The following NXPH1 variants were observed in gnomAD, a reference collection of about 807,000 sequenced individuals.
NXPH1 encodes neurexophilin 1.
Under a neutral mutation model 23.7 loss-of-function variants are expected in NXPH1, and 5 were observed. That is an observed-to-expected ratio of 0.21 (90% CI 0.11 to 0.44). The LOEUF (loss-of-function observed/expected upper bound fraction) is 0.44, where lower values mean the gene tolerates loss of function less well. NXPH1 is among the 20% of genes least tolerant of loss of function. NXPH1 has a pLI of 0.99. For missense variants in NXPH1, 324 were observed against 321.6 expected (o/e 1.01, Z -0.06); for synonymous variants, 144 against 122.2 (o/e 1.18, Z -1.18).
chr7:8,446,572 G>T (rs780721492), intron 2 of NXPH1, among the ~76,000 whole-genome samples: 1 of 152,176 alleles, frequency 6.6e-6, no homozygotes. Flanking sequence ...TAATAAAAAT[G>T]AGGCTTTTTG....
At chr7:8,506,205 G>C (rs1035908838) in intron 2 of NXPH1, among the ~76,000 whole-genome samples, 5 of 152,092 alleles carry the variant, frequency 3.3e-5, no homozygotes, top group Non-Finnish European at 7.4e-5. Flanking sequence ...TTGTGCAACT[G>C]TTGTTGCAAT....
At chr7:8,726,729 C>G (rs1422566935) in intron 2 of NXPH1, among the ~76,000 whole-genome samples, 3 of 149,038 alleles carry the variant, frequency 2.0e-5, no homozygotes, top group African/African-American at 7.4e-5. Flanking sequence ...TTAATCCAGT[C>G]TATCGTTGTT....
At chr7:8,604,261 C>T (rs973776421) in intron 2 of NXPH1, among the ~76,000 whole-genome samples, 8 of 152,080 alleles carry the variant, frequency 5.3e-5, no homozygotes, top group African/African-American at 1.9e-4. Context: ...TCAATGTTCT[C>T]TGCAACCCTT....
At chr7:8,696,096 G>T (rs7792819) in intron 2 of NXPH1, among the ~76,000 whole-genome samples, 64,936 of 151,948 alleles carry the variant, frequency 0.43, 14,031 homozygotes, top group East Asian at 0.62. Flanking sequence ...TAAATATATT[G>T]TCTAAAATAC....
Position 8,435,794 on chromosome 7 carries a change from C to T in NXPH1, c.54+27C>T, listed in dbSNP as rs576060035. ...TAAGTCTTGGAAGGTTCGGGGCTTT[C>T]GCATTTTTACCCCGGCCGGGAGGCA... On this transcript the variant is annotated intron_variant, in intron 2 of 2. Coordinates refer to ENST00000405863, the MANE Select transcript of NXPH1 (RefSeq NM_152745.3). This position sits in a 1 kb window ranked among gnomAD's most constrained non-coding sequence, Gnocchi z 5.9. 125 of 1,611,794 alleles carry T rather than the reference C, an allele frequency of 7.8e-5. No homozygotes were observed. The South Asian group carries it at 8.2e-4, about 11-fold the overall frequency.
chr7:8,743,938 C>G (rs1027594526), intron 2 of NXPH1, among the ~76,000 whole-genome samples: 2 of 152,122 alleles, frequency 1.3e-5, no homozygotes, highest in Admixed American at 1.3e-4. Flanking sequence ...CCCGCCTCGG[C>G]CTCCCAAAGT....
chr7:8,674,913 T>C (rs1199494082), intron 2 of NXPH1, among the ~76,000 whole-genome samples: 1 of 152,168 alleles, frequency 6.6e-6, no homozygotes, highest in Non-Finnish European at 1.5e-5. Flanking sequence ...AAGGGGTATC[T>C]TACGGTCAAG....
At chr7:8,682,272 T>C (rs1207282593) in intron 2 of NXPH1, among the ~76,000 whole-genome samples, 2 of 152,178 alleles carry the variant, frequency 1.3e-5, no homozygotes, top group East Asian at 3.9e-4. Context: ...TAGCCGTGCC[T>C]CAGAAGTTCT....
At chr7:8,505,639 A>T (rs1219524974) in intron 2 of NXPH1, among the ~76,000 whole-genome samples, 1 of 152,090 alleles carries the variant, frequency 6.6e-6, no homozygotes, top group East Asian at 1.9e-4. Flanking sequence ...TTTTTGTAAA[A>T]CTTGTGCCCA....
At chr7:8,601,203 C>T (rs1164294351) in intron 2 of NXPH1, among the ~76,000 whole-genome samples, 1 of 151,918 alleles carries the variant, frequency 6.6e-6, no homozygotes, top group Non-Finnish European at 1.5e-5. Flanking sequence ...CTTCCTGAGC[C>T]TTATGCAATT....
chr7:8,646,636 T>C (rs1030274915), intron 2 of NXPH1, among the ~76,000 whole-genome samples: 17 of 152,112 alleles, frequency 1.1e-4, no homozygotes, highest in Non-Finnish European at 7.4e-5. Context: ...GAGATTTTTG[T>C]TTTTAAAGTC....
chr7:8,724,368 T>G (rs1780016049), intron 2 of NXPH1, among the ~76,000 whole-genome samples: 2 of 152,180 alleles, frequency 1.3e-5, no homozygotes, highest in Admixed American at 6.5e-5. Flanking sequence ...GTATTTGAAG[T>G]CAGTGAGTTT....
At chr7:8,612,822 T>C (rs201900177) in intron 2 of NXPH1, among the ~76,000 whole-genome samples, 3 of 152,052 alleles carry the variant, frequency 2.0e-5, no homozygotes, top group African/African-American at 2.4e-5. Flanking sequence ...TTTTGTCTAC[T>C]TATTGCTATT....
chr7:8,651,877 G>T (rs1407073745), intron 2 of NXPH1, among the ~76,000 whole-genome samples: 2 of 151,978 alleles, frequency 1.3e-5, no homozygotes, highest in Non-Finnish European at 2.9e-5. Flanking sequence ...GTTCTTTTTT[G>T]TGTAGTCTAT....
chr7:8,534,801 G>T lies in NXPH1; in HGVS notation c.54+99034G>T, dbSNP rs563560328. 1.8e-3 allele frequency among the ~76,000 whole-genome samples: 272 copies of T among 152,192 alleles called. 1 individual carries two copies. Among genetic ancestry groups the T allele is most frequent in the African/African-American group, 5.9e-3 (247 of 41,554 alleles). ...TGATTGATGAGGAAATGAAGGCATTGTTAAGTCATTTGCTCAAAGTTACTG... is the reference window on the plus strand; with the variant it reads ...TGATTGATGAGGAAATGAAGGCATTTTTAAGTCATTTGCTCAAAGTTACTG... On this transcript the variant is annotated intron_variant, in intron 2 of 2. Coordinates refer to ENST00000405863, the MANE Select transcript of NXPH1 (RefSeq NM_152745.3).
intron 2 of NXPH1, among the ~76,000 whole-genome samples, chr7:8,684,893 G>C (rs762018816): frequency 2.0e-5 from 3 of 152,124 alleles, no homozygotes; most frequent in Non-Finnish European, 4.4e-5. Flanking sequence ...CATAAATAAT[G>C]TGTGGGTTTG....
intron 2 of NXPH1, among the ~76,000 whole-genome samples, chr7:8,448,053 A>G (rs768787699): frequency 1.1e-4 from 17 of 152,200 alleles, no homozygotes; most frequent in African/African-American, 1.9e-4. Flanking sequence ...CCTCACTGCA[A>G]TTCTTAAGGG....
chr7:8,468,427 G>A (rs551597499), intron 2 of NXPH1, among the ~76,000 whole-genome samples: 1 of 152,210 alleles, frequency 6.6e-6, no homozygotes, highest in Non-Finnish European at 1.5e-5. Flanking sequence ...AGCTATGCTT[G>A]CAACAATCTG....
intron 2 of NXPH1, among the ~76,000 whole-genome samples, chr7:8,445,563 C>CTCT (rs149363135): frequency 0.01 from 1,525 of 152,246 alleles, 22 homozygotes; most frequent in African/African-American, 0.035. Flanking sequence ...AAACCGCAGA[C>CTCT]TAAAAGAAAG....
Sources: gnomAD v4.1 joint callset for allele counts (sites outside exome capture counted in the v4.1 genomes callset) on GRCh38, gnomAD v4.1.1 for gene constraint, Gnocchi (gnomAD v3.1) non-coding constraint, MANE v1.5 for transcripts, NCBI Gene and HGNC (gene_info 2026-07-23, HGNC 2026-07-21) for gene names.